Variants in FAM169A observed in about 807,000 individuals in gnomAD.
The protein encoded by FAM169A is soluble lamin-associated protein of 75 kDa.
A neutral mutation model predicts 75.7 loss-of-function variants in FAM169A; 24 were observed. The observed-to-expected ratio is 0.32, with a 90% CI of 0.23 to 0.45. The LOEUF (loss-of-function observed/expected upper bound fraction) is 0.45. Ranked by LOEUF, FAM169A falls within the 20% of genes least tolerant of loss-of-function variation. FAM169A has a pLI of 1.00. For missense variants in FAM169A, 673 were observed against 784.0 expected, an observed-to-expected ratio of 0.86 and a Z score of 1.69; for synonymous variants, 271 against 271.0, an observed-to-expected ratio of 1.00 and a Z score of 0.00.
rs1387648723 is a variant in FAM169A, at chr5:74,840,173, T to C, written c.133A>G (p.Ile45Val). ...PECFSLLNIT[I>V]PISLSNVGFV... ...CCTACATTTGACAGGCTAATAGGAA[T>C]CTGAAATGACAAATTAATAAAGATT... Residue 45 changes from isoleucine (I) to valine (V), a missense_variant and splice_region_variant, in exon 3 of 13, where the codon ATT becomes GTT. Around this residue, in one of 3 missense-constraint regions of FAM169A, gnomAD observed 56 missense variants for 52.2 expected, o/e 1.07. Coordinates refer to ENST00000687041, the MANE Select transcript of FAM169A (RefSeq NM_001376049.1). 1 of 1,468,354 alleles carries C rather than the reference T, an allele frequency of 6.8e-7. No individual in the cohort carries two copies. The highest frequency in any genetic ancestry group is 2.3e-5 in the East Asian group (1 of 42,908). 91.0% of individuals were successfully genotyped at this position (1,468,354 alleles called of 1,614,324 possible). A position where few individuals can be genotyped will look rare whatever the true frequency, so the allele number is the denominator to read the frequency against.
In FAM169A at chr5:74,786,818, C is replaced by A. The variant is rs559598659; in HGVS notation, c.1261-3684G>T. Among the ~76,000 whole-genome samples, 3 of 152,272 alleles carry A rather than the reference C, an allele frequency of 2.0e-5. No homozygotes were observed. In the South Asian group the frequency reaches 6.2e-4, roughly 32 times the overall value. Reference sequence around the variant, plus strand: ...GCAACGAAAGGTGCATGCACAGCCTCGCCAGGTGTCTACTCTTAAAGTGAG... The same window carrying A: ...GCAACGAAAGGTGCATGCACAGCCTAGCCAGGTGTCTACTCTTAAAGTGAG... On this transcript the variant is annotated intron_variant, in intron 11 of 12. Coordinates refer to ENST00000687041, the MANE Select transcript of FAM169A (RefSeq NM_001376049.1).
At chr5:74,804,856 C>T (rs1746782738) in intron 7 of FAM169A, among the ~76,000 whole-genome samples, 3 of 152,144 alleles carry the variant, frequency 2.0e-5, no homozygotes, top group African/African-American at 7.2e-5. Context: ...CTTTGGACCC[C>T]CTGGTGCCTA....
chr5:74,836,696 C>G (rs544872213), intron 4 of FAM169A, among the ~76,000 whole-genome samples: 2 of 152,260 alleles, frequency 1.3e-5, no homozygotes, highest in South Asian at 4.1e-4. Context: ...ACCTGTAATC[C>G]CAGCACTGTG....
At chr5:74,855,782 C>T (rs1448938193) in intron 1 of FAM169A, among the ~76,000 whole-genome samples, 1 of 152,208 alleles carries the variant, frequency 6.6e-6, no homozygotes, top group Non-Finnish European at 1.5e-5. Context: ...AGCTTTTTAA[C>T]TTGACATGAT....
At chr5:74,785,032 GA>G (rs1745625424) in intron 11 of FAM169A, among the ~76,000 whole-genome samples, 1 of 151,166 alleles carries the variant, frequency 6.6e-6, no homozygotes, top group African/African-American at 2.4e-5. Flanking sequence ...TTTTAAAAGT[GA>G]AAAAAAGGCC....
At chr5:74,787,052 C>T (rs1331651080) in intron 11 of FAM169A, among the ~76,000 whole-genome samples, 1 of 152,108 alleles carries the variant, frequency 6.6e-6, no homozygotes, top group Non-Finnish European at 1.5e-5. Context: ...ACTAAAGTCC[C>T]GGTGGCCTCC....
At position 74,796,179 on chromosome 5, in the gene FAM169A, A is replaced by G. The variant is rs1746265267; in HGVS notation, c.1111T>C (p.Ser371Pro). The G allele has an allele frequency of 1.3e-6, 2 of 1,599,304 alleles. No individual in the cohort carries two copies. ...GAGCTCTCTGATGGGCGTGCAGTAG[A>G]CTCCAATCTAAAAAACAAAAGAAAA... ...SLTASINKLESTARPSESSEE... is the reference protein window; with the variant it reads ...SLTASINKLEPTARPSESSEE... Residue 371 changes from serine to proline, a missense_variant, in exon 11 of 13, where the codon TCT becomes CCT. Ser to Pro is a moderately conservative substitution (Grantham distance 74). Transcript: ENST00000687041.
Position 74,785,349 on chromosome 5 carries a change from G to GT in FAM169A, c.1261-2216dup, listed in dbSNP as rs577818086. ...AAAAAAAAGAAAACCCCACAAATAC[G>GT]TATTTCCATAAACATCTAGATGCAT... On this transcript the variant is annotated intron_variant, in intron 11 of 12. Transcript: ENST00000687041. 1.1e-4 allele frequency among the ~76,000 whole-genome samples: 16 copies of GT among 152,068 alleles called. 1 individual carries two copies. Among genetic ancestry groups the GT allele is most frequent in the Admixed American group, 8.5e-4 (13 of 15,266 alleles).
intron 11 of FAM169A, among the ~76,000 whole-genome samples, chr5:74,794,743 C>A (rs1322875875): frequency 6.8e-6 from 1 of 146,668 alleles, no homozygotes; most frequent in Non-Finnish European, 1.5e-5. Flanking sequence ...CGCGCCACTG[C>A]ACTCCAGCCT....
At chr5:74,864,041 T>A (rs530791311) in intron 1 of FAM169A, among the ~76,000 whole-genome samples, 4 of 152,268 alleles carry the variant, frequency 2.6e-5, no homozygotes, top group African/African-American at 9.6e-5. Context: ...AATAAACATA[T>A]CTATAATGGG....
intron 11 of FAM169A, among the ~76,000 whole-genome samples, chr5:74,785,777 G>C (rs1424319203): frequency 6.6e-6 from 1 of 152,144 alleles, no homozygotes; most frequent in Non-Finnish European, 1.5e-5. Flanking sequence ...ACACACGTAT[G>C]TATATATATA....
At chr5:74,844,305 T>C (rs1192508770) in intron 1 of FAM169A, among the ~76,000 whole-genome samples, 15 of 151,230 alleles carry the variant, frequency 9.9e-5, no homozygotes, top group Non-Finnish European at 8.9e-5. Flanking sequence ...TCTACAAAAA[T>C]ATGAAAATTA....
rs1292805486 is a variant in FAM169A, at chr5:74,780,069, T to TA, written c.*1390dup. On this transcript the variant is annotated 3_prime_UTR_variant, in exon 13 of 13. Transcript: ENST00000687041. ...CTGTTTTTAGATTATCTTTGGATTC[T>TA]AATAACCATTTTGTCCATTTTTAAA... 2 of 152,222 alleles carry TA rather than the reference T, an allele frequency of 1.3e-5. No homozygotes were observed. Among genetic ancestry groups the TA allele is most frequent in the Non-Finnish European group, 2.9e-5 (2 of 68,028 alleles). The allele number at this position is 152,222 out of a possible 1,614,324, so 9.4% of individuals were successfully genotyped here. A position where few individuals can be genotyped will look rare whatever the true frequency, so the allele number is the denominator to read the frequency against.
At chr5:74,865,579 G>A (rs1340279551) in intron 1 of FAM169A, 3 of 152,476 alleles carry the variant, frequency 2.0e-5, no homozygotes, top group Non-Finnish European at 4.4e-5. Flanking sequence ...TGGCATAATG[G>A]AGAGCTGAGA....
At chr5:74,849,204 T>C (rs1324271171) in intron 1 of FAM169A, among the ~76,000 whole-genome samples, 1 of 152,218 alleles carries the variant, frequency 6.6e-6, no homozygotes, top group Non-Finnish European at 1.5e-5. Context: ...CTATATTGTA[T>C]CTACCTTTTA....
intron 11 of FAM169A, among the ~76,000 whole-genome samples, chr5:74,791,408 T>C (rs1336031867): frequency 6.6e-6 from 1 of 152,214 alleles, no homozygotes; most frequent in Non-Finnish European, 1.5e-5. Context: ...TACGTTCTGC[T>C]GGCCTAGTGG....
chr5:74,807,726 G>C (rs1476127211), intron 6 of FAM169A, among the ~76,000 whole-genome samples: 1 of 152,134 alleles, frequency 6.6e-6, no homozygotes, highest in Admixed American at 6.5e-5. Context: ...AATGAATTAT[G>C]GCTACCTAAA....
chr5:74,859,146 G>A (rs564717723), intron 1 of FAM169A, among the ~76,000 whole-genome samples: 2 of 151,392 alleles, frequency 1.3e-5, no homozygotes, highest in Non-Finnish European at 1.5e-5. Flanking sequence ...CCCGGGAGGC[G>A]GAGGGTGCAG....
chr5:74,861,027 C>T (rs907307266), intron 1 of FAM169A, among the ~76,000 whole-genome samples: 1 of 152,250 alleles, frequency 6.6e-6, no homozygotes, highest in South Asian at 2.1e-4. Flanking sequence ...ATCCCAGCTA[C>T]TCAGGGGGCT....
Sources: gnomAD v4.1 joint callset for allele counts (sites outside exome capture counted in the v4.1 genomes callset) on GRCh38, gnomAD v4.1.1 for gene constraint, gnomAD v4.1.1 regional missense constraint, MANE v1.5 for transcripts, NCBI Gene and HGNC (gene_info 2026-07-23, HGNC 2026-07-21) for gene names.